Variants in CBFA2T2 observed in about 807,000 individuals in gnomAD.
CBFA2T2 encodes protein CBFA2T2.
A neutral mutation model predicts 62.2 loss-of-function variants in CBFA2T2; 11 were observed. The ratio of observed to expected loss-of-function variants is 0.18; its 90% CI spans 0.11 to 0.29. The LOEUF (loss-of-function observed/expected upper bound fraction) is 0.29, where lower values mean the gene tolerates loss of function less well. Among genes scored for constraint, CBFA2T2 ranks in the 10% least tolerant of loss-of-function variants. The pLI is 1.00. For missense variants in CBFA2T2, 592 were observed against 774.1 expected, an observed-to-expected ratio of 0.76 and a Z score of 2.79; for synonymous variants, 295 against 287.5, an observed-to-expected ratio of 1.03 and a Z score of -0.27.
intron 1 of CBFA2T2, among the ~76,000 whole-genome samples, chr20:33,591,779 G>A (rs371663193): frequency 1.5e-5 from 2 of 136,742 alleles, no homozygotes; most frequent in Non-Finnish European, 1.5e-5. Context: ...ACTGGTCTTC[G>A]TAGTCTTCAG....
intron 1 of CBFA2T2, among the ~76,000 whole-genome samples, chr20:33,510,696 T>C (rs371273720): frequency 1.3e-5 from 2 of 152,190 alleles, no homozygotes; most frequent in East Asian, 3.8e-4. Context: ...TTCTAGATCC[T>C]TGAGGAATCA....
Position 33,601,600 on chromosome 20 carries a change from TG to T in CBFA2T2, c.35-5354del, listed in dbSNP as rs372144250. Among the ~76,000 whole-genome samples, 328 of 152,278 alleles carry T rather than the reference TG, an allele frequency of 2.2e-3. 3 individuals carry two copies. Among genetic ancestry groups the T allele is most frequent in the African/African-American group, 7.6e-3 (316 of 41,560 alleles). ...TTTTTTTATAAAGCAATGGATTTAATGGCTTCCTTGGCCAGCTTCTTTGGAA... is the reference window on the plus strand; with the variant it reads ...TTTTTTTATAAAGCAATGGATTTAATGCTTCCTTGGCCAGCTTCTTTGGAA... On this transcript the variant is annotated intron_variant, in intron 1 of 10. Transcript: ENST00000342704.
At chr20:33,503,090 CAAAAAAAAAAAAA>C (rs35577702) in intron 1 of CBFA2T2, among the ~76,000 whole-genome samples, 25 of 52,834 alleles carry the variant, frequency 4.7e-4, no homozygotes, top group Non-Finnish European at 6.4e-4. Context: ...GACTCTGTCT[CAAAAAAAAAAAAA>C]AAAAAAAAAA....
At chr20:33,504,446 T>A (rs1026727710) in intron 1 of CBFA2T2, among the ~76,000 whole-genome samples, 9 of 149,868 alleles carry the variant, frequency 6.0e-5, no homozygotes, top group Non-Finnish European at 1.2e-4. Flanking sequence ...TCTTGCTCTG[T>A]CACTTAGGCT....
intron 1 of CBFA2T2, among the ~76,000 whole-genome samples, chr20:33,580,895 G>A (rs1357696911): frequency 6.6e-6 from 1 of 152,102 alleles, no homozygotes; most frequent in Admixed American, 6.6e-5. Flanking sequence ...CTCCATTTGG[G>A]TAGGATGTAT....
In CBFA2T2 at chr20:33,645,995, T is replaced by G. The variant is rs1012510074; in HGVS notation, c.*1349T>G. On this transcript the variant is annotated 3_prime_UTR_variant, in exon 11 of 11. Transcript: ENST00000342704. ...CATTCTTCCCTGTCTTTTTGGGTTT[T>G]GTTTTTTGTTGTTGTGGTGGTTTTT... 6.6e-6 allele frequency: 1 copy of G among 152,132 alleles called. No individual in the cohort carries two copies. Among genetic ancestry groups the G allele is most frequent in the African/African-American group, 2.4e-5 (1 of 41,396 alleles). The allele number at this position is 152,132 out of a possible 1,614,324, so 9.4% of individuals were successfully genotyped here. A position where few individuals can be genotyped will look rare whatever the true frequency, so the allele number is the denominator to read the frequency against.
chr20:33,605,813 T>G (rs1052163412), intron 1 of CBFA2T2, among the ~76,000 whole-genome samples: 5 of 151,766 alleles, frequency 3.3e-5, no homozygotes, highest in Non-Finnish European at 5.9e-5. Context: ...TAGTACATCA[T>G]TATTAATGGT....
chr20:33,564,553 C>G (rs992132425), intron 1 of CBFA2T2, among the ~76,000 whole-genome samples: 26 of 152,032 alleles, frequency 1.7e-4, no homozygotes, highest in Non-Finnish European at 2.4e-4. Context: ...CCGCGCCTGG[C>G]CCTCTTTTTT....
rs1568876618 is a variant in CBFA2T2 at position 33,643,783 on chromosome 20, A to G, written c.1489-564A>G. Among the ~76,000 whole-genome samples the G allele has an allele frequency of 4.3e-4, 13 of 30,052 alleles. 1 individual carries two copies. Among genetic ancestry groups the G allele is most frequent in the Admixed American group, 3.6e-3 (7 of 1,934 alleles). The allele number at this position is 30,052 out of a possible 152,430, so 19.7% of individuals were successfully genotyped here. ...TATATATATATATATATATATATAT[A>G]TATATATATATATATATATATATAT... On this transcript the variant is annotated intron_variant, in intron 10 of 10. Transcript: ENST00000342704.
At chr20:33,597,476 T>C (rs2014941386) in intron 1 of CBFA2T2, among the ~76,000 whole-genome samples, 1 of 152,198 alleles carries the variant, frequency 6.6e-6, no homozygotes, top group Non-Finnish European at 1.5e-5. Flanking sequence ...AGGAACCGTG[T>C]GGCACAGCAA....
At chr20:33,538,688 A>G (rs2146876232) in intron 1 of CBFA2T2, among the ~76,000 whole-genome samples, 2 of 152,220 alleles carry the variant, frequency 1.3e-5, no homozygotes, top group Middle Eastern at 3.4e-3. Flanking sequence ...TCTGTACATC[A>G]TTTGCAAATA....
chr20:33,569,960 G>A (rs539196537), intron 1 of CBFA2T2, among the ~76,000 whole-genome samples: 1 of 152,266 alleles, frequency 6.6e-6, no homozygotes, highest in African/African-American at 2.4e-5. Context: ...TCAGAAGCCT[G>A]AGGCAAGAGG....
intron 1 of CBFA2T2, among the ~76,000 whole-genome samples, chr20:33,596,919 G>GTTTTT (rs59278499): frequency 2.7e-4 from 34 of 125,350 alleles, no homozygotes; most frequent in Admixed American, 5.9e-4. Flanking sequence ...CTTGACCTCT[G>GTTTTT]TTTTTTTTTT....
In CBFA2T2 at chr20:33,624,858, G is replaced by C; in HGVS notation, c.787G>C (p.Ala263Pro). Residue 263 changes from alanine to proline, a missense_variant, in exon 6 of 11, where the codon GCT (alanine) becomes CCT (proline). Ala to Pro is a conservative substitution (Grantham distance 27). This residue lies in a region of CBFA2T2 where 449 missense variants were observed against 551.2 expected (regional missense o/e 0.81). Transcript: ENST00000342704. ...TISPAPRHSP[A>P]LTVPLMNPGG... is the part of the protein sequence containing the mutation. The stretch of plus-strand genomic sequence containing the variant: ...CAGCCCTGCTCCTCGGCACAGTCCT[G>C]CTCTCACTGTGCCCCTCATGAATCC... 2 of 1,614,060 alleles carry C rather than the reference G, an allele frequency of 1.2e-6. No individual in the cohort carries two copies. The highest frequency in any genetic ancestry group is 1.7e-6 in the Non-Finnish European group (2 of 1,179,994).
intron 1 of CBFA2T2, among the ~76,000 whole-genome samples, chr20:33,599,003 G>A (rs1263059252): frequency 3.3e-5 from 5 of 150,958 alleles, no homozygotes; most frequent in Non-Finnish European, 7.4e-5. Flanking sequence ...GCTTACGCCT[G>A]TAATCCCAGC....
At chr20:33,571,148 A>G (rs1469588498) in intron 1 of CBFA2T2, among the ~76,000 whole-genome samples, 3 of 152,234 alleles carry the variant, frequency 2.0e-5, no homozygotes. Context: ...ATCTCTAACA[A>G]CAAATCTTTT....
rs1227464545 is a variant in CBFA2T2 at position 33,611,176 on chromosome 20, C to A, written c.261C>A (p.Ser87=). The A allele has an allele frequency of 6.2e-7, 1 of 1,614,214 alleles. No individual in the cohort carries two copies. Among genetic ancestry groups the A allele is most frequent in the Non-Finnish European group, 8.5e-7 (1 of 1,180,044 alleles). The change falls in exon 3 of 11, where the codon TCC becomes TCA. Residue 87 remains serine, a synonymous_variant. Coordinates refer to ENST00000342704, the MANE Select transcript of CBFA2T2 (RefSeq NM_001032999.3). Reference sequence around the variant, plus strand: ...AGAGATTCAGCAATGGTCCTGCCTCCTCCACATCATCTGCACTCACAAATC... The same window carrying A: ...AGAGATTCAGCAATGGTCCTGCCTCATCCACATCATCTGCACTCACAAATC... ...PPQRFSNGPA[S]STSSALTNQQ...
intron 3 of CBFA2T2, among the ~76,000 whole-genome samples, chr20:33,614,738 T>C (rs919304952): frequency 4.6e-5 from 7 of 152,236 alleles, no homozygotes; most frequent in African/African-American, 1.7e-4. Flanking sequence ...ATGTCAGACT[T>C]TCCTACTTTT....
chr20:33,573,682 A>G (rs1371804199), intron 1 of CBFA2T2, among the ~76,000 whole-genome samples: 4 of 151,964 alleles, frequency 2.6e-5, no homozygotes, highest in African/African-American at 9.7e-5. Flanking sequence ...GGGTTTTACC[A>G]TATTTGCCAG....
Sources: gnomAD v4.1 joint callset for allele counts (sites outside exome capture counted in the v4.1 genomes callset) on GRCh38, gnomAD v4.1.1 for gene constraint, gnomAD v4.1.1 regional missense constraint, MANE v1.5 for transcripts, NCBI Gene and HGNC (gene_info 2026-07-23, HGNC 2026-07-21) for gene names.